BCAT1: variants seen among roughly 807,000 people sequenced by gnomAD.
The protein encoded by BCAT1 is branched chain amino acid transaminase 1.
Under a neutral mutation model 52.4 loss-of-function variants are expected in BCAT1, and 48 were observed. That is an observed-to-expected ratio of 0.92 (90% CI 0.73 to 1.16). The LOEUF is 1.16. Ranked by LOEUF, BCAT1 falls within the 50% of genes most tolerant of loss-of-function variation. BCAT1 has a pLI of 0.00. For synonymous variants in BCAT1, 167 were observed against 161.3 expected (o/e 1.04, Z -0.27); for missense variants, 451 against 457.1 (o/e 0.99, Z 0.12).
chr12:24,920,198 G>A (rs771409294), intron 1 of BCAT1, among the ~76,000 whole-genome samples: 7 of 152,176 alleles, frequency 4.6e-5, no homozygotes, highest in Non-Finnish European at 8.8e-5. Flanking sequence ...ATCTGTGTCA[G>A]TTATAATTGT....
chr12:24,907,660 T>TCCCCA (rs1446740631), intron 1 of BCAT1, among the ~76,000 whole-genome samples: 1 of 152,090 alleles, frequency 6.6e-6, no homozygotes. Context: ...TGATACACCC[T>TCCCCA]CCCCACCCTT....
chr12:24,867,862 G>A (rs1291553191), intron 5 of BCAT1, among the ~76,000 whole-genome samples: 2 of 151,982 alleles, frequency 1.3e-5, no homozygotes, highest in Admixed American at 6.6e-5. Flanking sequence ...AAAAGTAGCC[G>A]AGCATGGTGG....
intron 3 of BCAT1, among the ~76,000 whole-genome samples, chr12:24,886,485 G>A (rs113301707): frequency 6.1e-4 from 93 of 152,160 alleles, no homozygotes; most frequent in Non-Finnish European, 1.2e-3. Flanking sequence ...AACGGTGCTC[G>A]ATGAAAAAAG....
At chr12:24,883,874 G>A (rs949402703) in intron 3 of BCAT1, among the ~76,000 whole-genome samples, 2 of 152,152 alleles carry the variant, frequency 1.3e-5, no homozygotes, top group African/African-American at 4.8e-5. Context: ...AGAACCTAAT[G>A]CTGCCACTGA....
intron 3 of BCAT1, among the ~76,000 whole-genome samples, chr12:24,890,401 T>C (rs1228977991): frequency 6.6e-6 from 1 of 152,164 alleles, no homozygotes; most frequent in Non-Finnish European, 1.5e-5. Flanking sequence ...GTTAGTATTC[T>C]AGGTCACAGG....
At chr12:24,943,547 G>T (rs146200276) in intron 1 of BCAT1, among the ~76,000 whole-genome samples, 2 of 139,200 alleles carry the variant, frequency 1.4e-5, no homozygotes, top group Non-Finnish European at 3.1e-5. Context: ...ACCCAAGAAA[G>T]CCTAGAACCT....
Position 24,813,182 on chromosome 12 carries a change from C to T in BCAT1, c.*4826G>A, listed in dbSNP as rs1939747146. 1 of 151,976 alleles carries T rather than the reference C, an allele frequency of 6.6e-6. No individual in the cohort carries two copies. Among genetic ancestry groups the T allele is most frequent in the Admixed American group, 6.6e-5 (1 of 15,254 alleles). 9.4% of individuals were successfully genotyped at this position (151,976 alleles called of 1,614,324 possible). A position where few individuals can be genotyped will look rare whatever the true frequency, so the allele number is the denominator to read the frequency against. ...CACAAACACTACTATAACTACTATA[C>T]TCTGTTGATATGTTTCATTATCAAC... On this transcript the variant is annotated 3_prime_UTR_variant, in exon 11 of 11. Coordinates refer to ENST00000261192, the MANE Select transcript of BCAT1 (RefSeq NM_005504.7).
intron 1 of BCAT1, 45 bp from the exon 2 acceptor site, chr12:24,901,930 A>T (rs1309370091): frequency 3.7e-6 from 6 of 1,613,356 alleles, no homozygotes; most frequent in Non-Finnish European, 5.1e-6. Context: ...CAGGTGGGTA[A>T]GCGGGACCCG....
chr12:24,857,724 C>A (rs1378507340), intron 5 of BCAT1, among the ~76,000 whole-genome samples: 1 of 152,184 alleles, frequency 6.6e-6, no homozygotes, highest in African/African-American at 2.4e-5. Flanking sequence ...TGAAGGCAAG[C>A]AAATCCCTCT....
chr12:24,933,502 C>T (rs1352603881), intron 1 of BCAT1, among the ~76,000 whole-genome samples: 2 of 152,064 alleles, frequency 1.3e-5, no homozygotes, highest in Non-Finnish European at 2.9e-5. Context: ...GCTCTTCACC[C>T]TCTGATATGG....
At chr12:24,939,511 C>G (rs966904078) in intron 1 of BCAT1, among the ~76,000 whole-genome samples, 1 of 152,132 alleles carries the variant, frequency 6.6e-6, no homozygotes, top group Non-Finnish European at 1.5e-5. Context: ...TTCGGAAATA[C>G]TGTCAAAAAT....
intron 10 of BCAT1, among the ~76,000 whole-genome samples, chr12:24,825,813 C>G (rs776693094): frequency 6.6e-5 from 10 of 152,046 alleles, no homozygotes; most frequent in Non-Finnish European, 1.5e-4. Context: ...TAATCTATTC[C>G]CTTTGTGGAT....
At chr12:24,937,126 C>G (rs1053081076) in intron 1 of BCAT1, among the ~76,000 whole-genome samples, 7 of 152,184 alleles carry the variant, frequency 4.6e-5, no homozygotes, top group African/African-American at 1.7e-4. Flanking sequence ...CAAAGTCATA[C>G]AAATAATCAC....
intron 3 of BCAT1, 116 bp from the exon 4 acceptor site, chr12:24,881,527 G>C (rs1942497595): frequency 7.8e-6 from 5 of 638,528 alleles, no homozygotes. Context: ...TGTTGACATT[G>C]ACCTCAACTT....
At chr12:24,929,448 G>A (rs544193984) in intron 1 of BCAT1, among the ~76,000 whole-genome samples, 7 of 152,272 alleles carry the variant, frequency 4.6e-5, no homozygotes, top group South Asian at 4.1e-4. Flanking sequence ...TGTATTTCCA[G>A]TTAGTTATTC....
At chr12:24,860,432 G>A (rs963220929) in intron 5 of BCAT1, among the ~76,000 whole-genome samples, 2 of 152,106 alleles carry the variant, frequency 1.3e-5, no homozygotes, top group African/African-American at 4.8e-5. Flanking sequence ...TAAAAATTGA[G>A]TAAATTATAC....
At chr12:24,873,067 A>G (rs901500051) in intron 5 of BCAT1, among the ~76,000 whole-genome samples, 2 of 152,230 alleles carry the variant, frequency 1.3e-5, no homozygotes, top group African/African-American at 4.8e-5. Flanking sequence ...CTGTACCTGC[A>G]TGGAGTTACT....
intron 3 of BCAT1, among the ~76,000 whole-genome samples, chr12:24,893,228 G>A (rs114491954): frequency 0.015 from 2,253 of 152,224 alleles, 53 homozygotes; most frequent in African/African-American, 0.051. Flanking sequence ...TGAGACCACT[G>A]CTTCAAGAGT....
At chr12:24,866,113 C>T (rs1300988208) in intron 5 of BCAT1, among the ~76,000 whole-genome samples, 2 of 152,228 alleles carry the variant, frequency 1.3e-5, no homozygotes, top group Non-Finnish European at 2.9e-5. Context: ...GCGCATGGTG[C>T]TTGTGGGCCA....
Sources: allele counts gnomAD v4.1 joint callset (sites outside exome capture counted in the v4.1 genomes callset), GRCh38; gene constraint gnomAD v4.1.1; transcripts MANE v1.5; gene names NCBI Gene and HGNC (gene_info 2026-07-23, HGNC 2026-07-21).